The following LAMC2 variants were observed in gnomAD, a reference collection of about 807,000 sequenced individuals.
LAMC2 encodes laminin subunit gamma 2.
In LAMC2, 97 loss-of-function variants were observed where a neutral mutation model predicts 140.2. That is an observed-to-expected ratio of 0.69 (90% CI 0.59 to 0.82). The LOEUF is 0.82. Among genes scored for constraint, LAMC2 ranks in the 40% least tolerant of loss-of-function variants. The probability of loss-of-function intolerance (pLI) is 0.00; values close to 1 mark genes in which losing one functional copy is unlikely to be tolerated. For synonymous variants in LAMC2, 513 were observed against 540.2 expected (o/e 0.95, Z 0.70); for missense variants, 1,402 against 1,476.1 (o/e 0.95, Z 0.82).
At chr1:183,195,597 A>T (rs1043039003) in intron 1 of LAMC2, among the ~76,000 whole-genome samples, 5 of 152,230 alleles carry the variant, frequency 3.3e-5, no homozygotes, top group Non-Finnish European at 7.3e-5. Flanking sequence ...TGGATCAGGC[A>T]GGATATGGTA....
intron 7 of LAMC2, among the ~76,000 whole-genome samples, chr1:183,225,397 C>T (rs1300603934): frequency 6.6e-6 from 1 of 152,134 alleles, no homozygotes; most frequent in Non-Finnish European, 1.5e-5. Context: ...CACTGGGATG[C>T]CCTCCATCAC....
At chr1:183,189,522 A>T (rs1172134592) in intron 1 of LAMC2, among the ~76,000 whole-genome samples, 1 of 152,070 alleles carries the variant, frequency 6.6e-6, no homozygotes, top group Non-Finnish European at 1.5e-5. Flanking sequence ...ACAAAGCGAG[A>T]CCCTCTCTTT....
chr1:183,221,848 T>C (rs1659483668), intron 5 of LAMC2, among the ~76,000 whole-genome samples: 1 of 152,174 alleles, frequency 6.6e-6, no homozygotes, highest in African/African-American at 2.4e-5. Context: ...CCTGCTATCT[T>C]ATCACGAGTC....
At chr1:183,198,619 A>G (rs1247248715) in intron 1 of LAMC2, among the ~76,000 whole-genome samples, 4 of 152,226 alleles carry the variant, frequency 2.6e-5, no homozygotes, top group African/African-American at 9.6e-5. Context: ...AGGTTTAAAC[A>G]TGATGCTCAA....
At chr1:183,204,087 T>G (rs1443662117) in intron 1 of LAMC2, among the ~76,000 whole-genome samples, 1 of 152,008 alleles carries the variant, frequency 6.6e-6, no homozygotes, top group Non-Finnish European at 1.5e-5. Flanking sequence ...GCCAGGAGTT[T>G]AAGACCAGCC....
At chr1:183,210,594 G>GA (rs144928967) in intron 2 of LAMC2, among the ~76,000 whole-genome samples, 2 of 150,636 alleles carry the variant, frequency 1.3e-5, no homozygotes, top group Non-Finnish European at 3.0e-5. Flanking sequence ...CCATATGAAA[G>GA]AAAAAAAAAT....
At chr1:183,249,650 T>C (rs1660319801), downstream of LAMC2, 2 of 152,610 alleles carry the variant, frequency 1.3e-5, no homozygotes, top group African/African-American at 2.4e-5. Flanking sequence ...TTAGTTGTGC[T>C]GTGACCTTCC....
At chr1:183,249,278 C>T (rs1339514275), downstream of LAMC2, 3 of 152,232 alleles carry the variant, frequency 2.0e-5, no homozygotes, top group Non-Finnish European at 4.4e-5. Flanking sequence ...GAGGTACCCA[C>T]TAGCAGCACA....
At chr1:183,203,502 G>A (rs1050912599) in intron 1 of LAMC2, among the ~76,000 whole-genome samples, 13 of 143,842 alleles carry the variant, frequency 9.0e-5, no homozygotes, top group Non-Finnish European at 1.9e-4. Flanking sequence ...CCCTAGTAGC[G>A]AGAGTAAGTA....
chr1:183,206,783 G>A (rs868659856), intron 1 of LAMC2, among the ~76,000 whole-genome samples: 5 of 152,148 alleles, frequency 3.3e-5, no homozygotes, highest in Admixed American at 6.5e-5. Flanking sequence ...GTTAAGTCAC[G>A]CCCTAGAAAC....
In LAMC2 at chr1:183,244,716, A is replaced by G. The variant is rs1166376659; in HGVS notation, c.*1316A>G. The G allele has an allele frequency of 1.3e-5, 2 of 152,608 alleles. No homozygotes were observed. The allele number at this position is 152,608 out of a possible 1,614,324, so 9.5% of individuals were successfully genotyped here. On this transcript the variant is annotated 3_prime_UTR_variant, in exon 23 of 23. Transcript: ENST00000264144. The stretch of plus-strand genomic sequence containing the variant: ...GGTTGTGCACATTTCTTTGCATTCC[A>G]GCTGTCACTCTGTGCCTTTCTACAA...
At chr1:183,226,586 A>T in intron 8 of LAMC2, 112 bp from the exon 9 acceptor site, 1 of 921,606 alleles carries the variant, frequency 1.1e-6, no homozygotes, top group Non-Finnish European at 1.8e-6. Context: ...TGATATATGA[A>T]CACCACCTGT....
the LAMC2 span, among the ~76,000 whole-genome samples, chr1:183,254,843 A>G: frequency 6.6e-6 from 1 of 152,174 alleles, no homozygotes. Context: ...TGATTTGAAA[A>G]TATTTTTTCT....
At chr1:183,252,631 C>T in the LAMC2 span, 1 of 1,599,374 alleles carries the variant, frequency 6.3e-7, no homozygotes, top group East Asian at 2.2e-5. Flanking sequence ...TGCCGGAGGA[C>T]GAGGGGCTGC....
chr1:183,233,697 A>G lies in LAMC2; in HGVS notation c.2221-670A>G, dbSNP rs72731404. 9.8e-3 allele frequency among the ~76,000 whole-genome samples: 1,494 copies of G among 152,240 alleles called. 20 individuals are homozygous for G. Among genetic ancestry groups the G allele is most frequent in the South Asian group, 0.022 (104 of 4,822 alleles). The stretch of plus-strand genomic sequence containing the variant: ...TGGAATATATTCTACTGGACTTTAA[A>G]TTCATATAAAAAATGTACATGTATA... On this transcript the variant is annotated intron_variant, in intron 14 of 22. Transcript: ENST00000264144.
At position 183,210,973 on chromosome 1, in the gene LAMC2, C is replaced by T. The variant is rs184032694; in HGVS notation, c.268+2904C>T. Among the ~76,000 whole-genome samples the T allele has an allele frequency of 3.1e-3, 472 of 152,336 alleles. 4 individuals are homozygous for T. Among genetic ancestry groups the T allele is most frequent in the Non-Finnish European group, 4.2e-3 (283 of 68,040 alleles). ...CCAATTAGCCAGAGGATATTTTTCA[C>T]TTTCAGATAATAACTTGACAGGGAA... On this transcript the variant is annotated intron_variant, in intron 2 of 22. Coordinates refer to ENST00000264144, the MANE Select transcript of LAMC2 (RefSeq NM_005562.3).
intron 1 of LAMC2, among the ~76,000 whole-genome samples, chr1:183,206,407 G>T (rs1014612034): frequency 6.6e-6 from 1 of 152,184 alleles, no homozygotes; most frequent in African/African-American, 2.4e-5. Context: ...ACTTTGGGAG[G>T]CCGAGGCAGG....
intron 18 of LAMC2, 89 bp from the exon 19 acceptor site, chr1:183,238,218 G>T (rs1229190698): frequency 5.3e-6 from 5 of 935,264 alleles, no homozygotes; most frequent in African/African-American, 1.6e-5. Context: ...GAATCACAAT[G>T]ATCTGCTGTC....
Position 183,207,952 on chromosome 1 carries a change from T to C in LAMC2, c.151T>C (p.Phe51Leu). The change falls in exon 2 of 23, where the codon TTC becomes CTC. Residue 51 changes from phenylalanine (F) to leucine (L), a missense_variant. Coordinates refer to ENST00000264144, the MANE Select transcript of LAMC2 (RefSeq NM_005562.3). Reference protein sequence around the residue: ...RELHRQTGNGFRCLNCNDNTD... With the variant: ...RELHRQTGNGLRCLNCNDNTD... The stretch of plus-strand genomic sequence containing the variant: ...ACTTCACAGACAAACTGGTAATGGA[T>C]TCCGCTGCCTCAACTGCAATGACAA... 1 of 1,613,674 alleles carries C rather than the reference T, an allele frequency of 6.2e-7. No homozygotes were observed. The highest frequency in any genetic ancestry group is 1.1e-5 in the South Asian group (1 of 91,050).
Sources: allele counts gnomAD v4.1 joint callset (sites outside exome capture counted in the v4.1 genomes callset), GRCh38; gene constraint gnomAD v4.1.1; transcripts MANE v1.5; gene names NCBI Gene and HGNC (gene_info 2026-07-23, HGNC 2026-07-21).